The following CUL5 variants were observed in gnomAD, a reference collection of about 807,000 sequenced individuals.
CUL5 encodes cullin 5.
In CUL5, 26 loss-of-function variants were observed where a neutral mutation model predicts 108.8. That is an observed-to-expected ratio of 0.24 (90% CI 0.18 to 0.33). The LOEUF is 0.33. Ranked by LOEUF, CUL5 falls within the 10% of genes least tolerant of loss-of-function variation. The pLI is 1.00. For synonymous variants in CUL5, 334 were observed against 298.0 expected, an observed-to-expected ratio of 1.12 and a Z score of -1.25; for missense variants, 524 against 909.2, an observed-to-expected ratio of 0.58 and a Z score of 5.45.
At chr11:108,031,911 A>T (rs1862594247) in intron 1 of CUL5, among the ~76,000 whole-genome samples, 1 of 152,232 alleles carries the variant, frequency 6.6e-6, no homozygotes, top group Non-Finnish European at 1.5e-5. Context: ...TAGCAAACTA[A>T]TGCAGGAACA....
chr11:108,030,589 A>T (rs1478604509), intron 1 of CUL5, among the ~76,000 whole-genome samples: 5 of 152,220 alleles, frequency 3.3e-5, no homozygotes, highest in African/African-American at 7.2e-5. Context: ...GTGAGCTGAG[A>T]TCGTGCCACC....
chr11:108,092,180 G>T (rs758534504), intron 13 of CUL5, among the ~76,000 whole-genome samples: 3 of 152,122 alleles, frequency 2.0e-5, no homozygotes, highest in Non-Finnish European at 2.9e-5. Context: ...ATTCCCACTA[G>T]GGTAGCTAAA....
intron 18 of CUL5, among the ~76,000 whole-genome samples, chr11:108,099,887 T>C (rs1200325958): frequency 2.0e-5 from 3 of 151,060 alleles, no homozygotes; most frequent in Non-Finnish European, 4.4e-5. Context: ...AAAGGTTGAA[T>C]AACTTAAACA....
At chr11:108,089,213 T>G (rs1271682697) in intron 12 of CUL5, among the ~76,000 whole-genome samples, 3 of 151,980 alleles carry the variant, frequency 2.0e-5, no homozygotes, top group African/African-American at 2.4e-5. Context: ...AGGGGGACAT[T>G]GATTTTTTTC....
rs1016920674 is a variant in CUL5, at chr11:108,083,283, A to G, written c.1178+5043A>G. Among the ~76,000 whole-genome samples the G allele has an allele frequency of 3.9e-5, 6 of 152,340 alleles. No individual in the cohort carries two copies. In the South Asian group the frequency reaches 1.2e-3, roughly 32 times the overall value. On this transcript the variant is annotated intron_variant, in intron 11 of 18. Transcript: ENST00000393094. ...CAGTTTGGCACTCTGTCTGGTAGAT[A>G]TACTATAGCTTATTTAACTGGTCCT...
At chr11:108,066,148 G>GGGTCCCC (rs1371188134) in intron 7 of CUL5, among the ~76,000 whole-genome samples, 1 of 152,092 alleles carries the variant, frequency 6.6e-6, no homozygotes, top group Non-Finnish European at 1.5e-5. Context: ...AGACCATCCT[G>GGGTCCCC]GCTAACACGG....
At chr11:108,070,570 TC>T (rs1334313966) in intron 8 of CUL5, among the ~76,000 whole-genome samples, 1 of 151,984 alleles carries the variant, frequency 6.6e-6, no homozygotes, top group Non-Finnish European at 1.5e-5. Flanking sequence ...AATAAAACAC[TC>T]CCTGTTAATA....
rs191622927 is a variant in CUL5 at position 108,098,068 on chromosome 11, T to C, written c.2024+314T>C. Among the ~76,000 whole-genome samples the C allele has an allele frequency of 5.3e-5, 8 of 151,524 alleles. No individual in the cohort carries two copies. The East Asian group carries it at 1.5e-3, about 29-fold the overall frequency. ...GTGTTGTTTTGTTTCGTTTTTGTTT[T>C]TGTTTTTGTTTTTGTTTGTTAAGAC... On this transcript the variant is annotated intron_variant, in intron 17 of 18. Coordinates refer to ENST00000393094, the MANE Select transcript of CUL5 (RefSeq NM_003478.6).
At chr11:108,030,144 A>G (rs769765207) in intron 1 of CUL5, among the ~76,000 whole-genome samples, 36 of 152,366 alleles carry the variant, frequency 2.4e-4, no homozygotes, top group South Asian at 6.2e-4. Context: ...GGCCAGGCAT[A>G]AAGTTATTGT....
chr11:108,093,498 A>G (rs567312292), intron 13 of CUL5, among the ~76,000 whole-genome samples: 16 of 152,128 alleles, frequency 1.1e-4, no homozygotes, highest in African/African-American at 3.4e-4. Flanking sequence ...TTTATGTTCT[A>G]TTTTATTTTC....
At chr11:108,030,861 C>G (rs1397874868) in intron 1 of CUL5, among the ~76,000 whole-genome samples, 1 of 152,122 alleles carries the variant, frequency 6.6e-6, no homozygotes, top group Middle Eastern at 3.2e-3. Context: ...GGACTAACTT[C>G]AAGAGATTCC....
chr11:108,013,384 C>T (rs762309920), intron 1 of CUL5, among the ~76,000 whole-genome samples: 74 of 152,168 alleles, frequency 4.9e-4, no homozygotes, highest in South Asian at 1.7e-3. Context: ...CAGTTCTCAC[C>T]ATATCACTTT....
Position 108,037,690 on chromosome 11 carries a change from TG to T in CUL5, c.134+3784del, listed in dbSNP as rs367668594. ...GGGGCTCAGCACCCAAACTTTCTAC[TG>T]GGGGCTCGTCATGTAAGCAGCTTCT... is the stretch of plus-strand genomic sequence containing the variant. On this transcript the variant is annotated intron_variant, in intron 2 of 18. Transcript: ENST00000393094. 5.8e-3 allele frequency among the ~76,000 whole-genome samples: 882 copies of T among 152,302 alleles called. 12 individuals are homozygous for T. The highest frequency in any genetic ancestry group is 0.018 in the African/African-American group (734 of 41,566).
chr11:108,083,830 G>GT (rs1331337658), intron 11 of CUL5, among the ~76,000 whole-genome samples: 12 of 152,188 alleles, frequency 7.9e-5, no homozygotes, highest in African/African-American at 2.7e-4. Flanking sequence ...GATCCAGGCA[G>GT]TAGAATAGGT....
intron 10 of CUL5, among the ~76,000 whole-genome samples, chr11:108,076,197 T>C (rs1193604317): frequency 6.6e-6 from 1 of 151,978 alleles, no homozygotes; most frequent in African/African-American, 2.4e-5. Flanking sequence ...TATGTTTGGC[T>C]AATTTGTAAT....
chr11:108,012,318 G>A (rs1220907726), intron 1 of CUL5, among the ~76,000 whole-genome samples: 2 of 151,510 alleles, frequency 1.3e-5, no homozygotes, highest in Non-Finnish European at 2.9e-5. Context: ...ACCTTTTCTT[G>A]CTGAGCCTCA....
At chr11:108,072,694 A>AT (rs1262263713) in intron 9 of CUL5, among the ~76,000 whole-genome samples, 1 of 152,098 alleles carries the variant, frequency 6.6e-6, no homozygotes, top group Non-Finnish European at 1.5e-5. Flanking sequence ...GATAGAAGAG[A>AT]TTTTTTATGT....
At chr11:108,066,642 C>A (rs1863689000) in intron 7 of CUL5, among the ~76,000 whole-genome samples, 1 of 152,150 alleles carries the variant, frequency 6.6e-6, no homozygotes, top group African/African-American at 2.4e-5. Context: ...ATTTGAATTC[C>A]CGTGGTAACT....
intron 2 of CUL5, among the ~76,000 whole-genome samples, chr11:108,034,230 G>A (rs1189151718): frequency 6.6e-6 from 1 of 152,060 alleles, no homozygotes; most frequent in Non-Finnish European, 1.5e-5. Flanking sequence ...CTTTCCCAGG[G>A]GAGTCACACA....
Sources: allele counts gnomAD v4.1 joint callset (sites outside exome capture counted in the v4.1 genomes callset), GRCh38; gene constraint gnomAD v4.1.1; transcripts MANE v1.5; gene names NCBI Gene and HGNC (gene_info 2026-07-23, HGNC 2026-07-21).